Variants in KIAA0319 observed in about 807,000 individuals in gnomAD.
The protein encoded by KIAA0319 is dyslexia-associated protein KIAA0319.
A neutral mutation model predicts 108.4 loss-of-function variants in KIAA0319; 83 were observed. That is an observed-to-expected ratio of 0.77 (90% CI 0.64 to 0.92). The LOEUF is 0.92. Among genes scored for constraint, KIAA0319 ranks in the 40% least tolerant of loss-of-function variants. KIAA0319 has a pLI of 0.00. For synonymous variants in KIAA0319, 484 were observed against 510.4 expected (o/e 0.95, Z 0.70); for missense variants, 1,195 against 1,322.4 (o/e 0.90, Z 1.49).
rs559694009 is a variant in KIAA0319 at position 24,599,821 on chromosome 6, C to G, written c.55+1228G>C. 1.2e-4 allele frequency: 57 copies of G among 457,350 alleles called. No homozygotes were observed. In the East Asian group the frequency reaches 1.3e-3, roughly 11 times the overall value. The allele number at this position is 457,350 out of a possible 1,614,324, so 28.3% of individuals were successfully genotyped here. Reference sequence around the variant, plus strand: ...ACAGCAGCCCCTCCCAGCCTACCCCCTCCTGTGACTGCCCCAGAGCCTGTG... The same window carrying G: ...ACAGCAGCCCCTCCCAGCCTACCCCGTCCTGTGACTGCCCCAGAGCCTGTG... On this transcript the variant is annotated intron_variant, in intron 2 of 20. Coordinates refer to ENST00000378214, the MANE Select transcript of KIAA0319 (RefSeq NM_014809.4). The surrounding 1 kb of genome is among the most constrained non-coding windows in gnomAD (Gnocchi z 4.1).
chr6:24,594,730 A>G (rs1778981875), intron 3 of KIAA0319, among the ~76,000 whole-genome samples: 1 of 152,172 alleles, frequency 6.6e-6, no homozygotes, highest in Admixed American at 6.5e-5. Flanking sequence ...AATTCAATTC[A>G]GCATTCCTCA....
intron 1 of KIAA0319, among the ~76,000 whole-genome samples, chr6:24,642,384 C>T (rs1223760874): frequency 6.6e-6 from 1 of 152,160 alleles, no homozygotes; most frequent in African/African-American, 2.4e-5. Flanking sequence ...TGCAGCTACA[C>T]ATCATGTACT....
rs370847933 is a variant in KIAA0319 at position 24,551,538 on chromosome 6, A to G, written c.2949-13T>C. ...AGTCCTTTTTTGTCTGAAAGGAACA[A>G]TGAAAAGCTCAACTCAGATCTTTAG... On this transcript the variant is annotated splice_polypyrimidine_tract_variant and intron_variant, in intron 19 of 20. Coordinates refer to ENST00000378214, the MANE Select transcript of KIAA0319 (RefSeq NM_014809.4). 7.8e-6 allele frequency: 12 copies of G among 1,531,836 alleles called. No individual in the cohort carries two copies. The African/African-American group carries it at 1.6e-4, about 21-fold the overall frequency. 94.9% of individuals were successfully genotyped at this position (1,531,836 alleles called of 1,614,324 possible).
chr6:24,593,637 G>C (rs1055869194), intron 3 of KIAA0319, among the ~76,000 whole-genome samples: 1 of 150,838 alleles, frequency 6.6e-6, no homozygotes, highest in South Asian at 2.1e-4. Flanking sequence ...TCCTGACCTC[G>C]TGATCCACCC....
chr6:24,630,984 A>T (rs1435443201), intron 1 of KIAA0319, among the ~76,000 whole-genome samples: 1 of 152,224 alleles, frequency 6.6e-6, no homozygotes, highest in East Asian at 1.9e-4. Flanking sequence ...CCTCTTTCAG[A>T]GATCCAAACA....
intron 1 of KIAA0319, among the ~76,000 whole-genome samples, chr6:24,602,140 C>T (rs1350798173): frequency 6.6e-6 from 1 of 151,936 alleles, no homozygotes; most frequent in Non-Finnish European, 1.5e-5. Context: ...GCCTCAGCCT[C>T]CAAGTAGGTG....
chr6:24,596,516 G>C lies in KIAA0319; in HGVS notation c.158C>G (p.Pro53Arg), dbSNP rs1266494275. ...TRIMRVSHTF[P>R]VVDCTAACCD... ...GCAAGCGGCCGTGCAGTCTACGACA[G>C]GGAAGGTGTGAGACACCCGCATGAT... Residue 53 changes from proline to arginine, a missense_variant, in exon 3 of 21, where the codon CCT becomes CGT. Transcript: ENST00000378214. The C allele has an allele frequency of 6.2e-7, 1 of 1,613,962 alleles. No individual in the cohort carries two copies. Among genetic ancestry groups the C allele is most frequent in the African/African-American group, 1.3e-5 (1 of 74,938 alleles).
chr6:24,622,473 T>C (rs1003653391), intron 1 of KIAA0319, among the ~76,000 whole-genome samples: 4 of 151,908 alleles, frequency 2.6e-5, no homozygotes, highest in Non-Finnish European at 4.4e-5. Context: ...ATTGCCTCCA[T>C]AAAACAAAAA....
chr6:24,543,638 C>T (rs1409646905), downstream of KIAA0319, among the ~76,000 whole-genome samples: 3 of 152,146 alleles, frequency 2.0e-5, no homozygotes, highest in Non-Finnish European at 4.4e-5. Flanking sequence ...GGCCATGTTG[C>T]CTAGGCTGGT....
intron 20 of KIAA0319, among the ~76,000 whole-genome samples, chr6:24,548,044 C>A (rs1760886913): frequency 1.3e-5 from 2 of 151,932 alleles, no homozygotes; most frequent in African/African-American, 4.8e-5. Context: ...GGAAAAAAAA[C>A]AAAAACAAGA....
intron 1 of KIAA0319, among the ~76,000 whole-genome samples, chr6:24,629,427 A>C (rs530944547): frequency 3.4e-5 from 5 of 146,664 alleles, no homozygotes; most frequent in Admixed American, 1.4e-4. Context: ...AGGCAGGAGA[A>C]TGGCATGAAC....
At chr6:24,598,060 C>G in intron 2 of KIAA0319, 1 of 391,756 alleles carries the variant, frequency 2.6e-6, no homozygotes, top group Non-Finnish European at 4.8e-6. Flanking sequence ...TACCTCTGGC[C>G]CCTGGGCCTT....
At chr6:24,595,253 T>C (rs1369975010) in intron 3 of KIAA0319, among the ~76,000 whole-genome samples, 1 of 152,058 alleles carries the variant, frequency 6.6e-6, no homozygotes, top group Non-Finnish European at 1.5e-5. Flanking sequence ...TTGCCTTAAA[T>C]GTCGCTAGAG....
At chr6:24,588,562 A>G in intron 4 of KIAA0319, 31 bp downstream of exon 4, 2 of 1,580,480 alleles carry the variant, frequency 1.3e-6, no homozygotes, top group Non-Finnish European at 1.7e-6. Flanking sequence ...TCTTCAGTAC[A>G]TTTCTTGAAA....
In KIAA0319 at chr6:24,599,097, G is replaced by T; in HGVS notation, c.55+1952C>A. The T allele has an allele frequency of 1.4e-6, 1 of 705,816 alleles. No individual in the cohort carries two copies. 43.7% of individuals were successfully genotyped at this position (705,816 alleles called of 1,614,324 possible). ...GGACACATCTGTGGTGCTGTCCATG[G>T]ACAACAGCTGGTCCCTGGACATGGA... On this transcript the variant is annotated intron_variant, in intron 2 of 20. Transcript: ENST00000378214. This position sits in a 1 kb window ranked among gnomAD's most constrained non-coding sequence, Gnocchi z 4.1.
At chr6:24,608,400 T>A (rs1217422143) in intron 1 of KIAA0319, among the ~76,000 whole-genome samples, 1 of 151,530 alleles carries the variant, frequency 6.6e-6, no homozygotes, top group Non-Finnish European at 1.5e-5. Context: ...TTTGGGTGAA[T>A]GAAAAACTAG....
intron 13 of KIAA0319, among the ~76,000 whole-genome samples, chr6:24,568,091 C>T (rs937767143): frequency 6.6e-6 from 1 of 152,206 alleles, no homozygotes; most frequent in Non-Finnish European, 1.5e-5. Context: ...TGGCCCGTGG[C>T]ACATACAACC....
intron 20 of KIAA0319, among the ~76,000 whole-genome samples, chr6:24,547,982 A>G (rs1218389350): frequency 6.6e-6 from 1 of 152,140 alleles, no homozygotes; most frequent in African/African-American, 2.4e-5. Flanking sequence ...ACAGTGAACT[A>G]TGATCGTGTT....
intron 17 of KIAA0319, among the ~76,000 whole-genome samples, chr6:24,557,680 A>G (rs1762495855): frequency 6.6e-6 from 1 of 152,210 alleles, no homozygotes; most frequent in South Asian, 2.1e-4. Context: ...ATTATGGAGC[A>G]TATCCAGGGT....
Sources: gnomAD v4.1 joint callset for allele counts (sites outside exome capture counted in the v4.1 genomes callset) on GRCh38, gnomAD v4.1.1 for gene constraint, Gnocchi (gnomAD v3.1) non-coding constraint, MANE v1.5 for transcripts, NCBI Gene and HGNC (gene_info 2026-07-23, HGNC 2026-07-21) for gene names.